SLC22A4: variants seen among roughly 807,000 people sequenced by gnomAD.
SLC22A4 encodes ET transporter.
Under a neutral mutation model 56.6 loss-of-function variants are expected in SLC22A4, and 39 were observed. That is an observed-to-expected ratio of 0.69 (90% CI 0.53 to 0.90). The LOEUF is 0.90. Ranked by LOEUF, SLC22A4 falls within the 40% of genes least tolerant of loss-of-function variation. The pLI is 0.00. For missense variants in SLC22A4, 594 were observed against 696.5 expected (o/e 0.85, Z 1.66); for synonymous variants, 241 against 281.4 (o/e 0.86, Z 1.44).
At position 132,343,747 on chromosome 5, in the gene SLC22A4, A is replaced by C. The variant is rs755951461; in HGVS notation, c.1581-13A>C. 1 of 1,544,924 alleles carries C rather than the reference A, an allele frequency of 6.5e-7. No individual in the cohort carries two copies. Among genetic ancestry groups the C allele is most frequent in the East Asian group, 2.2e-5 (1 of 44,456 alleles). On this transcript the variant is annotated splice_polypyrimidine_tract_variant and intron_variant, in intron 9 of 9. Transcript: ENST00000200652. ...GAATATTTAATTTTCCTTAGCATCT[A>C]TTTTATTTTCAGGTTCAGATCTGGG...
intron 1 of SLC22A4, among the ~76,000 whole-genome samples, chr5:132,299,234 A>T (rs1352831443): frequency 6.6e-6 from 1 of 152,176 alleles, no homozygotes; most frequent in Non-Finnish European, 1.5e-5. Context: ...TGCCTTTCAT[A>T]GTATGCCAGG....
At chr5:132,310,315 A>G (rs770852109) in intron 1 of SLC22A4, among the ~76,000 whole-genome samples, 2 of 152,244 alleles carry the variant, frequency 1.3e-5, no homozygotes, top group Admixed American at 6.5e-5. Flanking sequence ...TTGGGCCTCA[A>G]TTGCTCATCT....
At chr5:132,306,635 A>T (rs1001078850) in intron 1 of SLC22A4, among the ~76,000 whole-genome samples, 2 of 151,368 alleles carry the variant, frequency 1.3e-5, no homozygotes, top group South Asian at 4.2e-4. Context: ...TAGTAGAGAC[A>T]GGGTTTCACC....
intron 8 of SLC22A4, among the ~76,000 whole-genome samples, chr5:132,338,474 C>A (rs770740567): frequency 7.9e-5 from 12 of 152,126 alleles, no homozygotes; most frequent in Admixed American, 1.3e-4. Context: ...AGCAGACAAC[C>A]GGTCTGACCA....
chr5:132,320,399 G>A (rs184520757), intron 3 of SLC22A4, among the ~76,000 whole-genome samples: 8 of 152,242 alleles, frequency 5.3e-5, no homozygotes, highest in South Asian at 4.1e-4. Flanking sequence ...TCACAATCAC[G>A]GCCAAGGGGT....
intron 4 of SLC22A4, among the ~76,000 whole-genome samples, chr5:132,322,707 C>A (rs933720373): frequency 3.3e-5 from 5 of 152,214 alleles, no homozygotes; most frequent in African/African-American, 1.2e-4. Context: ...AAATCTCACT[C>A]TATCCAACTA....
intron 5 of SLC22A4, among the ~76,000 whole-genome samples, chr5:132,329,511 G>A (rs1050598310): frequency 4.0e-5 from 6 of 151,316 alleles, no homozygotes; most frequent in African/African-American, 9.7e-5. Context: ...AAGGCACAGC[G>A]AAGTTAAGTA....
chr5:132,310,216 T>C (rs1052006959), intron 1 of SLC22A4, among the ~76,000 whole-genome samples: 1 of 152,268 alleles, frequency 6.6e-6, no homozygotes, highest in Non-Finnish European at 1.5e-5. Flanking sequence ...TCTATCATGC[T>C]CATTTACTTG....
chr5:132,334,254 T>C (rs1580845614), intron 6 of SLC22A4, among the ~76,000 whole-genome samples: 1 of 152,386 alleles, frequency 6.6e-6, no homozygotes, highest in East Asian at 1.9e-4. Flanking sequence ...AGTATGACCC[T>C]TGTATCTCTT....
intron 4 of SLC22A4, among the ~76,000 whole-genome samples, chr5:132,324,121 G>A (rs1270531609): frequency 6.6e-6 from 1 of 152,124 alleles, no homozygotes; most frequent in Admixed American, 6.5e-5. Context: ...GAGCCTGGGA[G>A]TTCAAGATTA....
intron 4 of SLC22A4, 72 bp downstream of exon 4, chr5:132,322,427 T>C (rs1457742425): frequency 2.1e-6 from 3 of 1,463,290 alleles, no homozygotes; most frequent in African/African-American, 2.8e-5. Flanking sequence ...TGGAGCCTGA[T>C]GCTGACCTAG....
rs1750248775 is a variant in SLC22A4 at position 132,313,674 on chromosome 5, G to C, written c.558G>C (p.Leu186=). 1.2e-6 allele frequency: 2 copies of C among 1,614,158 alleles called. No homozygotes were observed. Among genetic ancestry groups the C allele is most frequent in the Non-Finnish European group, 1.7e-6 (2 of 1,179,974 alleles). ...CTGTACAGACTGGCTTCAGCTTCCTGCAGATTTTCTCCATCAGCTGGGAGA... is the reference window on the plus strand; with the variant it reads ...CTGTACAGACTGGCTTCAGCTTCCTCCAGATTTTCTCCATCAGCTGGGAGA... ...TMAVQTGFSF[L]QIFSISWEMF... is the part of the protein sequence containing the mutation. Residue 186 remains leucine, a synonymous_variant, in exon 3 of 10, where the codon CTG becomes CTC. Transcript: ENST00000200652.
chr5:132,305,207 T>C (rs922154736), intron 1 of SLC22A4, among the ~76,000 whole-genome samples: 1 of 152,048 alleles, frequency 6.6e-6, no homozygotes, highest in Non-Finnish European at 1.5e-5. Context: ...AACTTGAAGA[T>C]AGAGGATTGG....
chr5:132,327,506 C>A, intron 5 of SLC22A4, 103 bp downstream of exon 5: 1 of 957,420 alleles, frequency 1.0e-6, no homozygotes. Context: ...ATGTACCAGG[C>A]ATTGCACTAG....
At chr5:132,337,394 T>A (rs1183014443) in intron 8 of SLC22A4, among the ~76,000 whole-genome samples, 1 of 148,660 alleles carries the variant, frequency 6.7e-6, no homozygotes, top group Non-Finnish European at 1.5e-5. Context: ...CACCTCAGAC[T>A]CCCAACTAGC....
In SLC22A4 at chr5:132,316,664, G is replaced by T. The variant is rs536329535; in HGVS notation, c.652+2896G>T. ...GGCATGCTGAACCATTTAAAGCTTTGCTTCCTCTGATGTCTAGAGGTTCCT... is the reference window on the plus strand; with the variant it reads ...GGCATGCTGAACCATTTAAAGCTTTTCTTCCTCTGATGTCTAGAGGTTCCT... On this transcript the variant is annotated intron_variant, in intron 3 of 9. Coordinates refer to ENST00000200652, the MANE Select transcript of SLC22A4 (RefSeq NM_003059.3). Among the ~76,000 whole-genome samples the T allele has an allele frequency of 2.0e-5, 3 of 152,248 alleles. No individual in the cohort carries two copies. In the South Asian group the frequency reaches 6.2e-4, roughly 32 times the overall value.
rs773971789 is a variant in SLC22A4 at position 132,340,710 on chromosome 5, A to C, written c.1580+10A>C. The C allele has an allele frequency of 3.5e-5, 57 of 1,613,116 alleles. No individual in the cohort carries two copies. The highest frequency in any genetic ancestry group is 4.2e-6 in the Non-Finnish European group (5 of 1,179,150). ...TGCAGAAAGTGAAATGGTAAGTAGG[A>C]CTTTTAACAAAATGATACCAAAATG... is the stretch of plus-strand genomic sequence containing the variant. On this transcript the variant is annotated intron_variant, in intron 9 of 9. Transcript: ENST00000200652.
Position 132,312,113 on chromosome 5 carries a change from G to C in SLC22A4, c.394-48G>C, listed in dbSNP as rs766750748. 3 of 1,138,884 alleles carry C rather than the reference G, an allele frequency of 2.6e-6. No homozygotes were observed. The South Asian group carries it at 3.7e-5, about 14-fold the overall frequency. 70.5% of individuals were successfully genotyped at this position (1,138,884 alleles called of 1,614,324 possible). On this transcript the variant is annotated intron_variant, in intron 1 of 9. Transcript: ENST00000200652. Reference sequence around the variant, plus strand: ...TCCCTCAGAGCTGGGCTGGGGTTGAGGTCTGCCTCAGGGTTGGGCTCACGC... The same window carrying C: ...TCCCTCAGAGCTGGGCTGGGGTTGACGTCTGCCTCAGGGTTGGGCTCACGC...
At chr5:132,320,133 T>C (rs1750486671) in intron 3 of SLC22A4, among the ~76,000 whole-genome samples, 1 of 152,242 alleles carries the variant, frequency 6.6e-6, no homozygotes, top group South Asian at 2.1e-4. Context: ...ACAAAGTCTC[T>C]GTCCCCAACA....
Sources: allele counts gnomAD v4.1 joint callset (sites outside exome capture counted in the v4.1 genomes callset), GRCh38; gene constraint gnomAD v4.1.1; transcripts MANE v1.5; gene names NCBI Gene and HGNC (gene_info 2026-07-23, HGNC 2026-07-21).